The following DYNC2H1 variants were observed in gnomAD, a reference collection of about 807,000 sequenced individuals.
The protein encoded by DYNC2H1 is dynein cytoplasmic 2 heavy chain 1, also known as cytoplasmic dynein 2 heavy chain 1.
DYNC2H1 carries 410 observed loss-of-function variants against 570.0 expected under a neutral mutation model. The observed-to-expected ratio is 0.72, with a 90% CI of 0.66 to 0.78. The LOEUF is 0.78. DYNC2H1 is among the 30% of genes least tolerant of loss of function. The pLI, the probability that DYNC2H1 is intolerant of heterozygous loss-of-function variation, is 0.00. For missense variants in DYNC2H1, 4,865 were observed against 5,046.4 expected (o/e 0.96, Z 1.09); for synonymous variants, 1,688 against 1,677.6 (o/e 1.01, Z -0.15).
rs1940100433 is a variant in DYNC2H1, at chr11:103,352,476, TG to T, written c.12040-5766del. On this transcript the variant is annotated intron_variant, in intron 82 of 88. Coordinates refer to ENST00000375735, the MANE Select transcript of DYNC2H1 (RefSeq NM_001377.3). Reference sequence around the variant, plus strand: ...TAAATTTTTATTAAAATTACTTACTTGACCTTGAGTTATTTAGAAATGTGTT... The same window carrying T: ...TAAATTTTTATTAAAATTACTTACTTACCTTGAGTTATTTAGAAATGTGTT... Among the ~76,000 whole-genome samples the T allele has an allele frequency of 2.6e-5, 4 of 152,192 alleles. No individual in the cohort carries two copies. In the South Asian group the frequency reaches 8.3e-4, roughly 32 times the overall value.
At chr11:103,302,791 G>T (rs912282484) in intron 75 of DYNC2H1, among the ~76,000 whole-genome samples, 3 of 152,088 alleles carry the variant, frequency 2.0e-5, no homozygotes, top group Admixed American at 1.3e-4. Flanking sequence ...CTACAGGCCT[G>T]TATTGTGGTC....
rs1435467244 is a variant in DYNC2H1, at chr11:103,439,207, G to A, written c.12456+3175G>A. Among the ~76,000 whole-genome samples, 1 of 152,142 alleles carries A rather than the reference G, an allele frequency of 6.6e-6. No individual in the cohort carries two copies. Among genetic ancestry groups the A allele is most frequent in the Non-Finnish European group, 1.5e-5 (1 of 68,032 alleles). On this transcript the variant is annotated intron_variant, in intron 85 of 88. Transcript: ENST00000375735. This position sits in a 1 kb window ranked among gnomAD's most constrained non-coding sequence, Gnocchi z 4.1. ...GCACTATTTAACCTAGAAGGGGTCAGAGAAGTGCTGCCTAAGCTGGGAACT... is the reference window on the plus strand; with the variant it reads ...GCACTATTTAACCTAGAAGGGGTCAAAGAAGTGCTGCCTAAGCTGGGAACT...
At chr11:103,303,361 C>T in intron 76 of DYNC2H1, 108 bp downstream of exon 76, 1 of 1,208,162 alleles carries the variant, frequency 8.3e-7, no homozygotes, top group Non-Finnish European at 1.1e-6. Context: ...ATAATGCCCC[C>T]AAAAATGTCT....
intron 83 of DYNC2H1, among the ~76,000 whole-genome samples, chr11:103,379,543 G>A (rs1941550772): frequency 6.6e-6 from 1 of 151,966 alleles, no homozygotes; most frequent in African/African-American, 2.4e-5. Context: ...ATTCTTTATG[G>A]ACTAAGGCAG....
chr11:103,241,432 A>G lies in DYNC2H1; in HGVS notation c.9820-2261A>G. 1.8e-6 allele frequency: 2 copies of G among 1,128,958 alleles called. No individual in the cohort carries two copies. Among genetic ancestry groups the G allele is most frequent in the Non-Finnish European group, 2.6e-6 (2 of 775,366 alleles). The allele number at this position is 1,128,958 out of a possible 1,614,324, so 69.9% of individuals were successfully genotyped here. A position where few individuals can be genotyped will look rare whatever the true frequency, so the allele number is the denominator to read the frequency against. On this transcript the variant is annotated intron_variant, in intron 63 of 88. Coordinates refer to ENST00000375735, the MANE Select transcript of DYNC2H1 (RefSeq NM_001377.3). The surrounding 1 kb of genome is among the most constrained non-coding windows in gnomAD (Gnocchi z 5.1). ...TGGAGACGTAAAATAAGATGACAACAAACTTTTAAGTACCCTTTGAAAAAC... is the reference window on the plus strand; with the variant it reads ...TGGAGACGTAAAATAAGATGACAACGAACTTTTAAGTACCCTTTGAAAAAC...
At chr11:103,109,869 G>C (rs1858028292) in intron 1 of DYNC2H1, 100 bp downstream of exon 1, 3 of 1,285,532 alleles carry the variant, frequency 2.3e-6, no homozygotes, top group Non-Finnish European at 2.1e-6. Context: ...TTACCAACCA[G>C]ATCCTTTTCA....
intron 88 of DYNC2H1, among the ~76,000 whole-genome samples, chr11:103,478,716 T>C (rs1945646904): frequency 6.6e-6 from 1 of 152,218 alleles, no homozygotes; most frequent in African/African-American, 2.4e-5. Context: ...ATTATGATTC[T>C]AACAGAAAAA....
Position 103,191,703 on chromosome 11 carries a change from A to G in DYNC2H1, c.7540+84A>G, listed in dbSNP as rs1862321865. 6.6e-6 allele frequency: 4 copies of G among 603,124 alleles called. No individual in the cohort carries two copies. The South Asian group carries it at 2.2e-4, about 33-fold the overall frequency. 37.4% of individuals were successfully genotyped at this position (603,124 alleles called of 1,614,324 possible). ...GATTGTATTTGTAATAGATAAGTTA[A>G]ATGCGTATTATATCACAAGTTATAT... On this transcript the variant is annotated intron_variant, in intron 46 of 88. Transcript: ENST00000375735.
chr11:103,311,762 C>T (rs1867599247), intron 78 of DYNC2H1, 116 bp from the exon 79 acceptor site: 1 of 991,356 alleles, frequency 1.0e-6, no homozygotes, highest in Non-Finnish European at 1.4e-6. Flanking sequence ...TAATTTAACT[C>T]AAACCCGGTA....
chr11:103,176,332 T>A lies in DYNC2H1; in HGVS notation c.5772T>A (p.Asp1924Glu). The A allele has an allele frequency of 1.3e-6, 2 of 1,578,900 alleles. No individual in the cohort carries two copies. The highest frequency in any genetic ancestry group is 1.8e-5 in the Admixed American group (1 of 55,204). ...CCCGGTTTGATGCACTGATAAAAGA[T>A]GTCTTTCCGGGAATTGAATTGAAAG... Reference protein sequence around the residue: ...DCTRFDALIKDVFPGIELKEV... With the variant: ...DCTRFDALIKEVFPGIELKEV... Residue 1924 changes from aspartate to glutamate, a missense_variant, in exon 37 of 89, where the codon GAT becomes GAA. This residue lies in a region of DYNC2H1 where 292 missense variants were observed against 300.2 expected (regional missense o/e 0.97). Transcript: ENST00000375735.
intron 82 of DYNC2H1, among the ~76,000 whole-genome samples, chr11:103,341,828 T>A (rs1053861492): frequency 1.3e-5 from 2 of 152,192 alleles, no homozygotes; most frequent in African/African-American, 4.8e-5. Flanking sequence ...GAGTTCCTAA[T>A]GTTGTGCACT....
At chr11:103,271,970 T>C (rs997124506) in intron 70 of DYNC2H1, among the ~76,000 whole-genome samples, 7 of 152,200 alleles carry the variant, frequency 4.6e-5, no homozygotes, top group Non-Finnish European at 1.0e-4. Context: ...TTTACACTGT[T>C]GGTGGGACTG....
Position 103,163,245 on chromosome 11 carries a change from C to T in DYNC2H1, c.4611+98C>T. On this transcript the variant is annotated intron_variant, in intron 30 of 88. Transcript: ENST00000375735. The surrounding 1 kb of genome is among the most constrained non-coding windows in gnomAD (Gnocchi z 4.6). ...CTCAGATAAATCGCATCTGTTTTCT[C>T]CCTTTATCTAACAGTTAACGGACAA... 7.4e-7 allele frequency: 1 copy of T among 1,360,106 alleles called. No individual in the cohort carries two copies. Among genetic ancestry groups the T allele is most frequent in the South Asian group, 1.7e-5 (1 of 57,266 alleles). The allele number at this position is 1,360,106 out of a possible 1,614,324, so 84.3% of individuals were successfully genotyped here.
intron 6 of DYNC2H1, 98 bp downstream of exon 6, chr11:103,117,961 C>A: frequency 1.0e-6 from 1 of 988,478 alleles, no homozygotes; most frequent in Non-Finnish European, 1.4e-6. Flanking sequence ...TATACATCTG[C>A]TGGAAATTAG....
At chr11:103,152,113 G>GTTTGT (rs1555049373) in intron 20 of DYNC2H1, 23 bp from the exon 21 acceptor site, 40 of 1,369,632 alleles carry the variant, frequency 2.9e-5, no homozygotes, top group Non-Finnish European at 4.0e-5. Context: ...TATTCAATTT[G>GTTTGT]TTTTTTTTTT....
intron 52 of DYNC2H1, among the ~76,000 whole-genome samples, chr11:103,206,127 A>G (rs663444): frequency 0.93 from 141,754 of 152,152 alleles, 66,062 homozygotes; most frequent in African/African-American, 0.94. Context: ...GTGGTGAGAA[A>G]TGGTTGTATT....
In DYNC2H1 at chr11:103,386,026, A is replaced by G. The variant is rs185916361; in HGVS notation, c.12157-13637A>G. Among the ~76,000 whole-genome samples, 255 of 152,306 alleles carry G rather than the reference A, an allele frequency of 1.7e-3. 1 individual carries two copies. The highest frequency in any genetic ancestry group is 4.2e-3 in the Admixed American group (64 of 15,294). On this transcript the variant is annotated intron_variant, in intron 83 of 88. Coordinates refer to ENST00000375735, the MANE Select transcript of DYNC2H1 (RefSeq NM_001377.3). ...TCTAGAATACCTCTGTTCACATTCA[A>G]CATGAGGTAAATAAAGATGAAGATT...
intron 71 of DYNC2H1, among the ~76,000 whole-genome samples, chr11:103,281,879 A>G (rs1389020162): frequency 6.6e-6 from 1 of 152,054 alleles, no homozygotes; most frequent in Non-Finnish European, 1.5e-5. Context: ...GAAAACAATT[A>G]ACAGGTAGTG....
At chr11:103,417,752 T>C (rs1278043296) in intron 84 of DYNC2H1, among the ~76,000 whole-genome samples, 3 of 151,920 alleles carry the variant, frequency 2.0e-5, no homozygotes, top group Non-Finnish European at 4.4e-5. Context: ...GGCACGTGCC[T>C]GTAATTCCAG....
Sources: gnomAD v4.1 joint callset for allele counts (sites outside exome capture counted in the v4.1 genomes callset) on GRCh38, gnomAD v4.1.1 for gene constraint, gnomAD v4.1.1 regional missense constraint, Gnocchi (gnomAD v3.1) non-coding constraint, MANE v1.5 for transcripts, NCBI Gene and HGNC (gene_info 2026-07-23, HGNC 2026-07-21) for gene names.